KCNA2: variants seen among roughly 807,000 people sequenced by gnomAD.
KCNA2 encodes potassium channel, voltage gated shaker related subfamily A, member 2.
Under a neutral mutation model 33.4 loss-of-function variants are expected in KCNA2, and 11 were observed. The ratio of observed to expected loss-of-function variants is 0.33; its 90% confidence interval spans 0.21 to 0.55. The LOEUF is 0.55. Among genes scored for constraint, KCNA2 ranks in the 20% least tolerant of loss-of-function variants. The pLI is 0.93. For synonymous variants in KCNA2, 222 were observed against 231.3 expected, an observed-to-expected ratio of 0.96 and a Z score of 0.37; for missense variants, 291 against 621.6, an observed-to-expected ratio of 0.47 and a Z score of 5.66.
intron 1 of KCNA2, among the ~76,000 whole-genome samples, chr1:110,614,449 T>G (rs1286665960): frequency 6.6e-6 from 1 of 152,222 alleles, no homozygotes; most frequent in African/African-American, 2.4e-5. Context: ...TGAAGGTTAC[T>G]CTAAGCCCCA....
upstream of KCNA2, among the ~76,000 whole-genome samples, chr1:110,609,202 T>A (rs1195295280): frequency 1.3e-5 from 2 of 152,208 alleles, no homozygotes; most frequent in South Asian, 2.1e-4. Context: ...CAGATAATCC[T>A]GTGTGGCCAA....
At chr1:110,615,434 A>G (rs1251642915) in intron 1 of KCNA2, among the ~76,000 whole-genome samples, 1 of 152,194 alleles carries the variant, frequency 6.6e-6, no homozygotes, top group Non-Finnish European at 1.5e-5. Context: ...TTTATTTCAA[A>G]CATACATATT....
rs1649316658 is a variant in KCNA2, at chr1:110,601,014, G to A, written c.*2269C>T. ...AGCTACTCCGTCAAAAGGCAAAGAC[G>A]CCCAGTCTGGTGAGTTAAAAGCCCC... On this transcript the variant is annotated 3_prime_UTR_variant, in exon 3 of 3. Coordinates refer to ENST00000316361, the MANE Select transcript of KCNA2 (RefSeq NM_004974.4). 4 of 985,556 alleles carry A rather than the reference G, an allele frequency of 4.1e-6. No homozygotes were observed. Among genetic ancestry groups the A allele is most frequent in the Non-Finnish European group, 4.8e-6 (4 of 830,036 alleles). 61.1% of individuals were successfully genotyped at this position (985,556 alleles called of 1,614,324 possible). A position where few individuals can be genotyped will look rare whatever the true frequency, so the allele number is the denominator to read the frequency against.
chr1:110,604,766 C>T lies in KCNA2; in HGVS notation c.17G>A (p.Gly6Glu). The change falls in exon 3 of 3, where the codon GGA becomes GAA. Residue 6 changes from glycine (G) to glutamate (E), a missense_variant. Physicochemically the swap from Gly to Glu is moderately conservative, Grantham distance 98. Coordinates refer to ENST00000316361, the MANE Select transcript of KCNA2 (RefSeq NM_004974.4). This position sits in a 1 kb window ranked among gnomAD's most constrained non-coding sequence, Gnocchi z 7.6. Reference sequence around the variant, plus strand: ...GGCAGCAGCCTCGTCTGCTGGGTCTCCGGTGGCCACTGTCATAATTGGGAC... The same window carrying T: ...GGCAGCAGCCTCGTCTGCTGGGTCTTCGGTGGCCACTGTCATAATTGGGAC... MTVATGDPADEAAALP... is the reference protein window; with the variant it reads MTVATEDPADEAAALP... The T allele has an allele frequency of 1.9e-6, 3 of 1,612,940 alleles. No individual in the cohort carries two copies. Among genetic ancestry groups the T allele is most frequent in the Non-Finnish European group, 2.5e-6 (3 of 1,179,428 alleles).
In KCNA2 at chr1:110,604,020, T is replaced by C; in HGVS notation, c.763A>G (p.Met255Val). Residue 255 changes from methionine (M) to valine (V), a missense_variant, in exon 3 of 3, where the codon ATG becomes GTG. Physicochemically the swap from Met to Val is conservative, Grantham distance 21. Coordinates refer to ENST00000316361, the MANE Select transcript of KCNA2 (RefSeq NM_004974.4). The surrounding 1 kb of genome is among the most constrained non-coding windows in gnomAD (Gnocchi z 7.6). ...PSKAGFFTNI[M>V]NIIDIVAIIP... The stretch of plus-strand genomic sequence containing the variant: ...ATGGCCACAATGTCAATGATGTTCA[T>C]GATGTTGGTGAAGAAGCCGGCTTTG... 6.2e-7 allele frequency: 1 copy of C among 1,614,160 alleles called. No homozygotes were observed. The highest frequency in any genetic ancestry group is 8.5e-7 in the Non-Finnish European group (1 of 1,180,032).
intron 1 of KCNA2, among the ~76,000 whole-genome samples, chr1:110,625,403 T>C (rs1650364772): frequency 6.6e-6 from 1 of 152,184 alleles, no homozygotes; most frequent in South Asian, 2.1e-4. Flanking sequence ...GGCTTTTTAA[T>C]AAATGGTATA....
intron 1 of KCNA2, among the ~76,000 whole-genome samples, chr1:110,629,302 C>T (rs1423242824): frequency 1.3e-5 from 2 of 152,138 alleles, no homozygotes; most frequent in Non-Finnish European, 1.5e-5. Flanking sequence ...TCCAGACAAT[C>T]CCCAATGGAT....
chr1:110,617,522 G>A (rs1650105683), intron 1 of KCNA2, among the ~76,000 whole-genome samples: 1 of 152,226 alleles, frequency 6.6e-6, no homozygotes, highest in Admixed American at 6.5e-5. Flanking sequence ...GAAATGTGGA[G>A]TATAGTGGAA....
chr1:110,608,365 G>A (rs778767995), upstream of KCNA2, among the ~76,000 whole-genome samples: 1 of 152,180 alleles, frequency 6.6e-6, no homozygotes, highest in African/African-American at 2.4e-5. Context: ...AAACAGTGGT[G>A]GTTCCTTGAG....
rs566902174 is a variant in KCNA2 at position 110,604,165 on chromosome 1, G to A, written c.618C>T (p.Ser206=). The change falls in exon 3 of 3, where the codon TCC becomes TCT. Residue 206 remains serine, a synonymous_variant. Transcript: ENST00000316361. This position sits in a 1 kb window ranked among gnomAD's most constrained non-coding sequence, Gnocchi z 7.6. ...HGSGVTFHTY[S]NSTIGYQQST... ...ACTGCTGGTACCCGATGGTGCTGTT[G>A]GAATAGGTGTGGAAGGTCACCCCAC... is the stretch of plus-strand genomic sequence containing the variant. 30 of 1,614,198 alleles carry A rather than the reference G, an allele frequency of 1.9e-5. No homozygotes were observed. In the African/African-American group the frequency reaches 2.7e-4, roughly 14 times the overall value.
In KCNA2 at chr1:110,630,118, C is replaced by T. The variant is rs9943115; in HGVS notation, c.-496+1277G>A. ...GCAACCTCTGTCTCCTGGGTTCAAG[C>T]GATTCTCCTGCCTCAGCCTCCCAAG... On this transcript the variant is annotated intron_variant, in intron 1 of 4. Coordinates refer to the KCNA2 transcript ENST00000369770. 7.2e-3 allele frequency among the ~76,000 whole-genome samples: 1,084 copies of T among 149,842 alleles called. 12 individuals are homozygous for T. The highest frequency in any genetic ancestry group is 0.025 in the African/African-American group (1,032 of 40,494).
At position 110,595,745 on chromosome 1, in the gene KCNA2, C is replaced by T; in HGVS notation, c.*7538G>A. 1.0e-6 allele frequency: 1 copy of T among 985,428 alleles called. No individual in the cohort carries two copies. Among genetic ancestry groups the T allele is most frequent in the Non-Finnish European group, 1.2e-6 (1 of 829,924 alleles). 61.0% of individuals were successfully genotyped at this position (985,428 alleles called of 1,614,324 possible). ...CCCACACCCTCAACTTAGGTTTAGTCATAATAAAAAACAGAATGGATTTGT... is the reference window on the plus strand; with the variant it reads ...CCCACACCCTCAACTTAGGTTTAGTTATAATAAAAAACAGAATGGATTTGT... On this transcript the variant is annotated 3_prime_UTR_variant, in exon 3 of 3. Transcript: ENST00000316361.
intron 1 of KCNA2, among the ~76,000 whole-genome samples, chr1:110,629,959 T>C (rs899903640): frequency 3.9e-5 from 6 of 152,008 alleles, no homozygotes; most frequent in African/African-American, 1.2e-4. Flanking sequence ...GAAGCGTTTT[T>C]TTAAATCAAA....
chr1:110,598,682 C>T lies in KCNA2; in HGVS notation c.*4601G>A. 1.0e-6 allele frequency: 1 copy of T among 985,292 alleles called. No homozygotes were observed. The highest frequency in any genetic ancestry group is 1.2e-6 in the Non-Finnish European group (1 of 829,914). 61.0% of individuals were successfully genotyped at this position (985,292 alleles called of 1,614,324 possible). A position where few individuals can be genotyped will look rare whatever the true frequency, so the allele number is the denominator to read the frequency against. ...TCTAGAGGCACACTCCCGTGGGGCCCCTTTTAAAAGGCTAACCTCATGGTG... is the reference window on the plus strand; with the variant it reads ...TCTAGAGGCACACTCCCGTGGGGCCTCTTTTAAAAGGCTAACCTCATGGTG... On this transcript the variant is annotated 3_prime_UTR_variant, in exon 3 of 3. Coordinates refer to ENST00000316361, the MANE Select transcript of KCNA2 (RefSeq NM_004974.4).
rs779054386 is a variant in KCNA2 at position 110,598,337 on chromosome 1, T to C, written c.*4946A>G. ...AAGCACTGTGCTCCCCTGCCTGACATAGGGGTAGTGGTGCCACCTTCATAT... is the reference window on the plus strand; with the variant it reads ...AAGCACTGTGCTCCCCTGCCTGACACAGGGGTAGTGGTGCCACCTTCATAT... On this transcript the variant is annotated 3_prime_UTR_variant, in exon 3 of 3. Transcript: ENST00000316361. 6.3e-6 allele frequency: 6 copies of C among 956,560 alleles called. No individual in the cohort carries two copies. The highest frequency in any genetic ancestry group is 1.8e-5 in the African/African-American group (1 of 56,568). The allele number at this position is 956,560 out of a possible 1,614,324, so 59.3% of individuals were successfully genotyped here. A position where few individuals can be genotyped will look rare whatever the true frequency, so the allele number is the denominator to read the frequency against.
chr1:110,604,932 A>G lies in KCNA2; in HGVS notation c.-150T>C, dbSNP rs953312648. On this transcript the variant is annotated 5_prime_UTR_variant, in exon 3 of 3. Transcript: ENST00000316361. This position sits in a 1 kb window ranked among gnomAD's most constrained non-coding sequence, Gnocchi z 7.6. ...CGAGAGCTCTCTGAGAGCTGGAGAG[A>G]CAGCCTCGCTTGGCTGAAAGACAGA... 6.3e-5 allele frequency: 45 copies of G among 714,420 alleles called. No homozygotes were observed. The highest frequency in any genetic ancestry group is 9.4e-5 in the Non-Finnish European group (40 of 424,200). 44.3% of individuals were successfully genotyped at this position (714,420 alleles called of 1,614,324 possible). A position where few individuals can be genotyped will look rare whatever the true frequency, so the allele number is the denominator to read the frequency against.
chr1:110,616,466 C>T (rs61784713), intron 1 of KCNA2, among the ~76,000 whole-genome samples: 1 of 152,180 alleles, frequency 6.6e-6, no homozygotes, highest in Non-Finnish European at 1.5e-5. Flanking sequence ...AGTCCAGGAG[C>T]TTTCAGGAAA....
chr1:110,626,952 C>T (rs763068486), intron 1 of KCNA2, among the ~76,000 whole-genome samples: 6 of 152,184 alleles, frequency 3.9e-5, no homozygotes, highest in Non-Finnish European at 7.3e-5. Flanking sequence ...ATGACGATGA[C>T]GATGATGATG....
Position 110,604,615 on chromosome 1 carries a change from C to G in KCNA2, c.168G>C (p.Glu56Asp). 6.2e-7 allele frequency: 1 copy of G among 1,614,154 alleles called. No individual in the cohort carries two copies. Among genetic ancestry groups the G allele is most frequent in the East Asian group, 2.2e-5 (1 of 44,880 alleles). Residue 56 changes from glutamate to aspartate, a missense_variant, in exon 3 of 3, where the codon GAG (glutamate) becomes GAC (aspartate). By Grantham distance (45) the Glu-to-Asp change is conservative. This residue lies in a region of KCNA2 where 163 missense variants were observed against 273.5 expected (regional missense o/e 0.60). Coordinates refer to ENST00000316361, the MANE Select transcript of KCNA2 (RefSeq NM_004974.4). The surrounding 1 kb of genome is among the most constrained non-coding windows in gnomAD (Gnocchi z 7.6). ...TQLKTLAQFP[E>D]TLLGDPKKRM... ...GTTTCTTTGGGTCCCCTAAGAGGGT[C>G]TCTGGAAACTGGGCTAAGGTCTTTA...
Sources: gnomAD v4.1 joint callset for allele counts (sites outside exome capture counted in the v4.1 genomes callset) on GRCh38, gnomAD v4.1.1 for gene constraint, gnomAD v4.1.1 regional missense constraint, Gnocchi (gnomAD v3.1) non-coding constraint, MANE v1.5 for transcripts, NCBI Gene and HGNC (gene_info 2026-07-23, HGNC 2026-07-21) for gene names.